Variants in TAF2 observed in about 807,000 individuals in gnomAD.
TAF2 encodes the protein transcription initiation factor TFIID subunit 2.
In TAF2, 61 loss-of-function variants were observed where a neutral mutation model predicts 138.5. The observed-to-expected ratio is 0.44, with a 90% CI of 0.36 to 0.54. The LOEUF (loss-of-function observed/expected upper bound fraction) is 0.54. TAF2 is among the 20% of genes least tolerant of loss of function. The pLI is 0.00. For missense variants in TAF2, 1,090 were observed against 1,427.9 expected (o/e 0.76, Z 3.81); for synonymous variants, 475 against 469.9 (o/e 1.01, Z -0.14).
At chr8:119,736,474 A>G (rs1359238162) in intron 25 of TAF2, among the ~76,000 whole-genome samples, 1 of 152,238 alleles carries the variant, frequency 6.6e-6, no homozygotes, top group Non-Finnish European at 1.5e-5. Flanking sequence ...TTGAATACTG[A>G]TAAGGACAAT....
rs965115192 is a variant in TAF2 at position 119,731,753 on chromosome 8, C to T, written c.*171G>A. The stretch of plus-strand genomic sequence containing the variant: ...ACAAAACACATTTTCCTAATTAGAT[C>T]CCAACTGTATAAATAACATAAATCA... On this transcript the variant is annotated 3_prime_UTR_variant, in exon 26 of 26. Transcript: ENST00000378164. The T allele has an allele frequency of 1.5e-5, 10 of 682,632 alleles. No homozygotes were observed. The highest frequency in any genetic ancestry group is 2.5e-5 in the Non-Finnish European group (10 of 396,586). The allele number at this position is 682,632 out of a possible 1,614,324, so 42.3% of individuals were successfully genotyped here.
chr8:119,803,999 G>C lies in TAF2; in HGVS notation c.439C>G (p.His147Asp), dbSNP rs780379532. Residue 147 changes from histidine (H) to aspartate (D), a missense_variant, in exon 5 of 26, where the codon CAC becomes GAC. By Grantham distance (81) the His-to-Asp change is moderately conservative. This residue lies in a region of TAF2 where 504 missense variants were observed against 680.9 expected (regional missense o/e 0.74). Coordinates refer to ENST00000378164, the MANE Select transcript of TAF2 (RefSeq NM_003184.4). The stretch of plus-strand genomic sequence containing the variant: ...GGCTGATCCAAAGAAAAATTGATGT[G>C]TATCTTCAGGACCTTTAACTCTGCA... ...HVDELKVLKI[H>D]INFSLDQPKG... The C allele has an allele frequency of 1.2e-6, 2 of 1,613,976 alleles. No homozygotes were observed. Among genetic ancestry groups the C allele is most frequent in the Admixed American group, 3.3e-5 (2 of 60,018 alleles).
chr8:119,781,315 C>G, intron 16 of TAF2, 122 bp from the exon 17 acceptor site: 2 of 1,104,364 alleles, frequency 1.8e-6, no homozygotes, highest in South Asian at 2.8e-5. Context: ...CTTCACTTCT[C>G]AGAAATTTAT....
At chr8:119,777,098 G>C (rs1168152769) in intron 18 of TAF2, among the ~76,000 whole-genome samples, 1 of 152,126 alleles carries the variant, frequency 6.6e-6, no homozygotes, top group African/African-American at 2.4e-5. Context: ...ATTGTATTAG[G>C]TAGTATAAGT....
chr8:119,807,336 C>T (rs913958909), intron 3 of TAF2, among the ~76,000 whole-genome samples: 6 of 152,084 alleles, frequency 3.9e-5, no homozygotes, highest in Admixed American at 3.3e-4. Flanking sequence ...CTTACAGAAA[C>T]GTGAAAATGT....
chr8:119,782,808 A>G (rs902413072), intron 16 of TAF2, among the ~76,000 whole-genome samples: 1 of 152,184 alleles, frequency 6.6e-6, no homozygotes, highest in African/African-American at 2.4e-5. Flanking sequence ...ACTCAAATCA[A>G]CGTGAATAAT....
chr8:119,732,758 C>T (rs543500181), intron 25 of TAF2, among the ~76,000 whole-genome samples: 28 of 151,932 alleles, frequency 1.8e-4, no homozygotes, highest in Non-Finnish European at 3.5e-4. Context: ...GAGCTGAGAT[C>T]GTGTCACTGC....
intron 18 of TAF2, among the ~76,000 whole-genome samples, chr8:119,767,637 C>T (rs1466343509): frequency 6.6e-6 from 1 of 152,220 alleles, no homozygotes; most frequent in African/African-American, 2.4e-5. Flanking sequence ...TACTGCCCCA[C>T]CAGGGAAGGA....
intron 6 of TAF2, among the ~76,000 whole-genome samples, chr8:119,799,966 G>A (rs1824130948): frequency 6.6e-6 from 1 of 152,172 alleles, no homozygotes; most frequent in South Asian, 2.1e-4. Context: ...AGAAGTGTCT[G>A]TTCATATCCT....
chr8:119,780,883 G>A (rs936571192), intron 17 of TAF2, among the ~76,000 whole-genome samples, 170 bp downstream of exon 17: 1 of 149,924 alleles, frequency 6.7e-6, no homozygotes, highest in South Asian at 2.1e-4. Context: ...TGCAGTGAGC[G>A]GAGCTTGCGC....
chr8:119,732,044 C>T lies in TAF2; in HGVS notation c.3480G>A (p.Lys1160=). ...GCTTGTGTTTGTGCTTATGTTTATG[C>T]TTCTTCTTCTTTTTCTTGTGCTCAT... is the stretch of plus-strand genomic sequence containing the variant. ...HHHEHKKKKK[K]HKHKHKHKHK... The change falls in exon 26 of 26, where the codon AAG becomes AAA. Residue 1160 remains lysine, a synonymous_variant. Coordinates refer to ENST00000378164, the MANE Select transcript of TAF2 (RefSeq NM_003184.4). The T allele has an allele frequency of 1.2e-6, 2 of 1,614,008 alleles. No homozygotes were observed. The highest frequency in any genetic ancestry group is 2.2e-5 in the East Asian group (1 of 44,866).
intron 3 of TAF2, among the ~76,000 whole-genome samples, chr8:119,807,666 T>C (rs750049798): frequency 4.6e-5 from 7 of 152,236 alleles, no homozygotes; most frequent in Non-Finnish European, 8.8e-5. Context: ...GGCTCATGCC[T>C]GTAATCCCAG....
chr8:119,746,397 A>AT (rs1819974124), intron 23 of TAF2, among the ~76,000 whole-genome samples: 3 of 147,416 alleles, frequency 2.0e-5, no homozygotes. Context: ...AAAAAAAAAA[A>AT]GGTTATTCGT....
chr8:119,787,558 A>G (rs2131156230), intron 14 of TAF2, among the ~76,000 whole-genome samples: 1 of 152,372 alleles, frequency 6.6e-6, no homozygotes, highest in South Asian at 2.1e-4. Context: ...CACGCCAGTT[A>G]GAACAGCAAT....
At chr8:119,787,059 C>A (rs1823063866) in intron 14 of TAF2, among the ~76,000 whole-genome samples, 1 of 152,178 alleles carries the variant, frequency 6.6e-6, no homozygotes, top group African/African-American at 2.4e-5. Context: ...CAAATGGGAT[C>A]TAATGAAACT....
At chr8:119,749,130 G>A (rs1393408967) in intron 22 of TAF2, among the ~76,000 whole-genome samples, 1 of 152,174 alleles carries the variant, frequency 6.6e-6, no homozygotes, top group Non-Finnish European at 1.5e-5. Flanking sequence ...AAGACAAATT[G>A]AGTATGTGTA....
chr8:119,802,138 C>A, intron 5 of TAF2, 113 bp from the exon 6 acceptor site: 1 of 907,440 alleles, frequency 1.1e-6, no homozygotes, highest in Non-Finnish European at 1.7e-6. Flanking sequence ...AAACCTTTAG[C>A]TATTTGGCTA....
At chr8:119,822,857 C>G (rs1434773651) in intron 2 of TAF2, among the ~76,000 whole-genome samples, 1 of 152,164 alleles carries the variant, frequency 6.6e-6, no homozygotes, top group African/African-American at 2.4e-5. Context: ...AAAAGAATAA[C>G]AAAAGCATTT....
At chr8:119,743,926 G>A (rs1045309303) in intron 24 of TAF2, among the ~76,000 whole-genome samples, 6 of 152,126 alleles carry the variant, frequency 3.9e-5, no homozygotes, top group African/African-American at 1.4e-4. Context: ...CAGGCAAAAA[G>A]AGAAAGTGGT....
Sources: allele counts gnomAD v4.1 joint callset (sites outside exome capture counted in the v4.1 genomes callset), GRCh38; gene constraint gnomAD v4.1.1; regional missense constraint gnomAD v4.1.1; transcripts MANE v1.5; gene names NCBI Gene and HGNC (gene_info 2026-07-23, HGNC 2026-07-21).